The following FOXO1 variants were observed in gnomAD, a reference collection of about 807,000 sequenced individuals.
FOXO1 encodes forkhead box O1.
FOXO1 carries 6 observed loss-of-function variants against 44.1 expected under a neutral mutation model. That is an observed-to-expected ratio of 0.14 (90% confidence interval 0.07 to 0.27). FOXO1 has a LOEUF of 0.27. Ranked by LOEUF, FOXO1 falls within the 10% of genes least tolerant of loss-of-function variation. The probability of loss-of-function intolerance (pLI) is 1.00; values close to 1 mark genes in which losing one functional copy is unlikely to be tolerated. For synonymous variants in FOXO1, 380 were observed against 362.7 expected, an observed-to-expected ratio of 1.05 and a Z score of -0.54; for missense variants, 737 against 888.8, an observed-to-expected ratio of 0.83 and a Z score of 2.17.
At chr13:40,638,681 GGGA>G (rs933181279) in intron 1 of FOXO1, among the ~76,000 whole-genome samples, 1 of 152,156 alleles carries the variant, frequency 6.6e-6, no homozygotes, top group Non-Finnish European at 1.5e-5. Flanking sequence ...TAGGCAGTCT[GGGA>G]GGAGGAGGAG....
rs1247790895 is a variant in FOXO1 at position 40,665,619 on chromosome 13, C to T, written c.594G>A (p.Lys198=). The change falls in exon 1 of 3, where the codon AAG becomes AAA. Residue 198 remains lysine (K), a synonymous_variant. Coordinates refer to ENST00000379561, the MANE Select transcript of FOXO1 (RefSeq NM_002015.4). ...EWMVKSVPYF[K]DKGDSNSSAG... ...CCGAGCTGTTGCTGTCACCCTTATC[C>T]TTGAAGTAGGGCACGCTCTTGACCA... The T allele has an allele frequency of 6.8e-7, 1 of 1,478,666 alleles. No individual in the cohort carries two copies. The highest frequency in any genetic ancestry group is 1.3e-5 in the South Asian group (1 of 75,306). 91.6% of individuals were successfully genotyped at this position (1,478,666 alleles called of 1,614,324 possible). A position where few individuals can be genotyped will look rare whatever the true frequency, so the allele number is the denominator to read the frequency against.
chr13:40,610,938 T>C (rs1028691858), intron 1 of FOXO1: 4 of 363,542 alleles, frequency 1.1e-5, no homozygotes, highest in Non-Finnish European at 2.2e-5. Context: ...CTTCTACCAG[T>C]ATTCATTAAG....
At chr13:40,572,039 A>G (rs1217412331) in intron 1 of FOXO1, among the ~76,000 whole-genome samples, 1 of 152,230 alleles carries the variant, frequency 6.6e-6, no homozygotes, top group African/African-American at 2.4e-5. Flanking sequence ...TCAGCATTAC[A>G]TTGATGAGCC....
At chr13:40,567,822 G>A (rs1264586341) in intron 1 of FOXO1, among the ~76,000 whole-genome samples, 1 of 152,114 alleles carries the variant, frequency 6.6e-6, no homozygotes, top group African/African-American at 2.4e-5. Context: ...ACAAAAATTA[G>A]CTGGGCATGG....
chr13:40,645,212 T>C (rs1877471366), intron 1 of FOXO1, among the ~76,000 whole-genome samples: 2 of 152,196 alleles, frequency 1.3e-5, no homozygotes, highest in African/African-American at 4.8e-5. Flanking sequence ...GAAATTTACA[T>C]CTATATATCC....
chr13:40,580,329 G>C (rs948109803), intron 1 of FOXO1, among the ~76,000 whole-genome samples: 21 of 152,012 alleles, frequency 1.4e-4, no homozygotes, highest in Non-Finnish European at 4.4e-5. Flanking sequence ...GTTTTTCCAG[G>C]AAACAATATA....
intron 1 of FOXO1, chr13:40,618,766 G>A: frequency 2.0e-6 from 1 of 501,086 alleles, no homozygotes; most frequent in Non-Finnish European, 4.0e-6. Flanking sequence ...AGATCAGATG[G>A]TGGTGGTGAC....
intron 1 of FOXO1, among the ~76,000 whole-genome samples, chr13:40,601,042 A>G (rs1339446310): frequency 6.6e-6 from 1 of 152,190 alleles, no homozygotes; most frequent in Non-Finnish European, 1.5e-5. Context: ...GGTCTGTCGA[A>G]AACCATCCCA....
At chr13:40,565,137 A>G (rs568782451) in intron 1 of FOXO1, among the ~76,000 whole-genome samples, 27 of 152,370 alleles carry the variant, frequency 1.8e-4, no homozygotes, top group African/African-American at 6.5e-4. Context: ...AAAAATTACA[A>G]GGAAGATATG....
At chr13:40,593,684 G>A (rs932346515) in intron 1 of FOXO1, among the ~76,000 whole-genome samples, 2 of 152,094 alleles carry the variant, frequency 1.3e-5, no homozygotes, top group African/African-American at 4.8e-5. Context: ...TTTATTGTTT[G>A]CTATTTTTTC....
rs76815716 is a variant in FOXO1 at position 40,599,469 on chromosome 13, G to A, written c.631-38609C>T. ...ACAGCCAAAGGCTCAAATGGGCTGT[G>A]TACAGCTGGACGAAGTTTTGTACGT... On this transcript the variant is annotated intron_variant, in intron 1 of 2. Transcript: ENST00000379561. 1.2e-3 allele frequency among the ~76,000 whole-genome samples: 188 copies of A among 152,322 alleles called. 1 individual carries two copies. The highest frequency in any genetic ancestry group is 4.4e-3 in the African/African-American group (181 of 41,572).
intron 1 of FOXO1, among the ~76,000 whole-genome samples, chr13:40,605,136 T>C (rs1875949862): frequency 6.6e-6 from 1 of 151,892 alleles, no homozygotes; most frequent in Non-Finnish European, 1.5e-5. Context: ...ATATTTTTAG[T>C]CAATGGTCAT....
At chr13:40,664,649 C>T (rs1878159035) in intron 1 of FOXO1, among the ~76,000 whole-genome samples, 1 of 152,156 alleles carries the variant, frequency 6.6e-6, no homozygotes, top group Non-Finnish European at 1.5e-5. Flanking sequence ...CCCCCGGCCC[C>T]TCAGGGCAGC....
rs575914593 is a variant in FOXO1 at position 40,558,357 on chromosome 13, C to T, written c.*692G>A. The T allele has an allele frequency of 2.4e-3, 367 of 152,208 alleles. 4 individuals carry two copies. In the Middle Eastern group the frequency reaches 0.031, roughly 13 times the overall value. The allele number at this position is 152,208 out of a possible 1,614,324, so 9.4% of individuals were successfully genotyped here. The stretch of plus-strand genomic sequence containing the variant: ...AATGTTTGTACAAATTTGCAAATAA[C>T]AAAATAAACAAAAAAAAATAGAAAA... On this transcript the variant is annotated 3_prime_UTR_variant, in exon 3 of 3. Coordinates refer to ENST00000379561, the MANE Select transcript of FOXO1 (RefSeq NM_002015.4).
rs565889060 is a variant in FOXO1, at chr13:40,581,725, T to C, written c.631-20865A>G. 9.8e-5 allele frequency among the ~76,000 whole-genome samples: 15 copies of C among 152,314 alleles called. No individual in the cohort carries two copies. The East Asian group carries it at 1.9e-3, about 20-fold the overall frequency. ...TGGCTTCAATTTCCTGATTTAACTA[T>C]TAAGTATGGGGCCATATCTGGTCAT... On this transcript the variant is annotated intron_variant, in intron 1 of 2. Coordinates refer to ENST00000379561, the MANE Select transcript of FOXO1 (RefSeq NM_002015.4).
At chr13:40,650,820 T>C (rs568545526) in intron 1 of FOXO1, among the ~76,000 whole-genome samples, 1 of 152,342 alleles carries the variant, frequency 6.6e-6, no homozygotes, top group Admixed American at 6.5e-5. Flanking sequence ...AGTGGCGCAA[T>C]CTTGGCTCAC....
chr13:40,610,453 C>T (rs562746422), intron 1 of FOXO1, among the ~76,000 whole-genome samples: 17 of 152,208 alleles, frequency 1.1e-4, no homozygotes, highest in African/African-American at 4.1e-4. Flanking sequence ...CTAGGCCCAG[C>T]GTCCAAGTTT....
At chr13:40,636,413 T>C (rs893955402) in intron 1 of FOXO1, among the ~76,000 whole-genome samples, 4 of 152,010 alleles carry the variant, frequency 2.6e-5, no homozygotes, top group Non-Finnish European at 4.4e-5. Flanking sequence ...CTCATGCCTG[T>C]AATCTCAGCA....
chr13:40,560,430 T>G lies in FOXO1; in HGVS notation c.1061A>C (p.Lys354Thr). 2 of 1,614,228 alleles carry G rather than the reference T, an allele frequency of 1.2e-6. No individual in the cohort carries two copies. The highest frequency in any genetic ancestry group is 1.1e-5 in the South Asian group (1 of 91,084). ...HSMVYPPSAAKMASTLPSLSE... is the reference protein window; with the variant it reads ...HSMVYPPSAATMASTLPSLSE... Reference sequence around the variant, plus strand: ...CAGACTGGGTAAAGTAGAGGCCATCTTTGCGGCAGATGGCGGGTACACCAT... The same window carrying G: ...CAGACTGGGTAAAGTAGAGGCCATCGTTGCGGCAGATGGCGGGTACACCAT... The change falls in exon 2 of 3, where the codon AAG becomes ACG. Residue 354 changes from lysine to threonine, a missense_variant. Coordinates refer to ENST00000379561, the MANE Select transcript of FOXO1 (RefSeq NM_002015.4). The surrounding 1 kb of genome is among the most constrained non-coding windows in gnomAD (Gnocchi z 5.1).
Sources: gnomAD v4.1 joint callset for allele counts (sites outside exome capture counted in the v4.1 genomes callset) on GRCh38, gnomAD v4.1.1 for gene constraint, Gnocchi (gnomAD v3.1) non-coding constraint, MANE v1.5 for transcripts, NCBI Gene and HGNC (gene_info 2026-07-23, HGNC 2026-07-21) for gene names.